The following TBC1D22A variants were observed in gnomAD, a reference collection of about 807,000 sequenced individuals.
The protein encoded by TBC1D22A is TBC1 domain family member 22A.
In TBC1D22A, 38 loss-of-function variants were observed where a neutral mutation model predicts 60.2. The observed-to-expected ratio is 0.63, with a 90% confidence interval of 0.49 to 0.83. The LOEUF is 0.83. Ranked by LOEUF, TBC1D22A falls within the 40% of genes least tolerant of loss-of-function variation. TBC1D22A has a pLI of 0.00. For synonymous variants in TBC1D22A, 302 were observed against 281.7 expected, an observed-to-expected ratio of 1.07 and a Z score of -0.72; for missense variants, 628 against 701.0, an observed-to-expected ratio of 0.90 and a Z score of 1.18.
chr22:46,899,776 G>C (rs780826666), intron 7 of TBC1D22A, among the ~76,000 whole-genome samples: 23 of 152,060 alleles, frequency 1.5e-4, no homozygotes, highest in Non-Finnish European at 2.4e-4. Context: ...CCCAGCAGCT[G>C]CTCATAGCAC....
At chr22:47,162,953 A>G (rs12169244) in intron 12 of TBC1D22A, among the ~76,000 whole-genome samples, 91,541 of 150,322 alleles carry the variant, frequency 0.61, 28,293 homozygotes, top group East Asian at 0.71. Context: ...TACAGACCAC[A>G]CCATGCCCAC....
At chr22:46,793,310 A>G (rs2084504475) in intron 2 of TBC1D22A, among the ~76,000 whole-genome samples, 191 bp from the exon 3 acceptor site, 1 of 152,050 alleles carries the variant, frequency 6.6e-6, no homozygotes. Flanking sequence ...CCCTCCTGCC[A>G]CTGAGTCCTC....
Position 46,984,607 on chromosome 22 carries a change from T to G in TBC1D22A, c.1125+10208T>G, listed in dbSNP as rs181003023. On this transcript the variant is annotated intron_variant, in intron 9 of 12. Coordinates refer to ENST00000337137, the MANE Select transcript of TBC1D22A (RefSeq NM_014346.5). ...TCACTACTGAACAGGACAATTTCTT[T>G]GAGTAGAAAAGAACCATTGCCTTTT... Among the ~76,000 whole-genome samples the G allele has an allele frequency of 2.8e-4, 42 of 152,316 alleles. 1 individual carries two copies. In the East Asian group the frequency reaches 7.5e-3, roughly 27 times the overall value.
chr22:47,136,133 C>T (rs895109796), intron 12 of TBC1D22A, among the ~76,000 whole-genome samples: 4 of 152,226 alleles, frequency 2.6e-5, no homozygotes, highest in Admixed American at 1.3e-4. Context: ...CTTGGATACT[C>T]GGGGGCCAAG....
chr22:47,056,465 C>T (rs2063396694), intron 11 of TBC1D22A, among the ~76,000 whole-genome samples: 1 of 152,098 alleles, frequency 6.6e-6, no homozygotes, highest in Non-Finnish European at 1.5e-5. Flanking sequence ...TGAGGCCACC[C>T]CCCTTCCTGA....
intron 10 of TBC1D22A, among the ~76,000 whole-genome samples, chr22:47,014,062 G>T (rs2061831287): frequency 1.3e-5 from 2 of 152,214 alleles, no homozygotes; most frequent in Admixed American, 1.3e-4. Flanking sequence ...ATGGCTGTGG[G>T]GTCTAGCTGC....
intron 8 of TBC1D22A, among the ~76,000 whole-genome samples, chr22:46,957,264 T>C (rs1316914523): frequency 5.3e-5 from 8 of 152,258 alleles, no homozygotes. Context: ...TGTATTAGTC[T>C]GTTCCCACAC....
intron 4 of TBC1D22A, among the ~76,000 whole-genome samples, chr22:46,830,900 A>T (rs1264763514): frequency 6.6e-6 from 1 of 152,094 alleles, no homozygotes; most frequent in Non-Finnish European, 1.5e-5. Context: ...TGGAGTGGGG[A>T]TGCTGAAGAA....
At chr22:46,878,257 A>G (rs573934961) in intron 4 of TBC1D22A, among the ~76,000 whole-genome samples, 1 of 11,784 alleles carries the variant, frequency 8.5e-5, no homozygotes, top group African/African-American at 2.4e-4. Context: ...AATTAACATG[A>G]TCAGGTTGGG....
chr22:46,985,498 T>A (rs1466849574), intron 9 of TBC1D22A, among the ~76,000 whole-genome samples: 1 of 152,202 alleles, frequency 6.6e-6, no homozygotes, highest in Non-Finnish European at 1.5e-5. Context: ...AATGAATCAT[T>A]GAGCAGCAAG....
rs144456776 is a variant in TBC1D22A, at chr22:46,968,433, G to A, written c.1016-5857G>A. ...CATGCGTGGACGTGTGCGCCCCCAC[G>A]CAGAAAGTCCTGCTGTGGAAACACA... On this transcript the variant is annotated intron_variant, in intron 8 of 12. Transcript: ENST00000337137. Among the ~76,000 whole-genome samples the A allele has an allele frequency of 1.6e-3, 245 of 152,346 alleles. 2 individuals carry two copies. Among genetic ancestry groups the A allele is most frequent in the African/African-American group, 5.6e-3 (232 of 41,578 alleles).
chr22:47,013,786 G>A (rs2061824331), intron 10 of TBC1D22A, among the ~76,000 whole-genome samples: 3 of 152,136 alleles, frequency 2.0e-5, no homozygotes, highest in African/African-American at 7.2e-5. Context: ...CTACCCCCTC[G>A]TCTCTCTAGA....
intron 9 of TBC1D22A, among the ~76,000 whole-genome samples, chr22:46,983,709 T>A (rs889000708): frequency 5.3e-5 from 8 of 150,444 alleles, no homozygotes; most frequent in Middle Eastern, 3.4e-3. Context: ...TTTTTTTTTT[T>A]ATATTTTATT....
Position 46,830,219 on chromosome 22 carries a change from C to T in TBC1D22A, c.637+32599C>T, listed in dbSNP as rs1260160228. Among the ~76,000 whole-genome samples, 6 of 152,208 alleles carry T rather than the reference C, an allele frequency of 3.9e-5. No homozygotes were observed. In the East Asian group the frequency reaches 7.7e-4, roughly 20 times the overall value. On this transcript the variant is annotated intron_variant, in intron 4 of 12. Coordinates refer to ENST00000337137, the MANE Select transcript of TBC1D22A (RefSeq NM_014346.5). ...AGGCGAGTGACTGGAGGCAGGCTGG[C>T]ATGGTGGATGGTCTGCTTTCTGAAG...
chr22:46,962,981 A>T (rs570037150), intron 8 of TBC1D22A, among the ~76,000 whole-genome samples: 278 of 151,470 alleles, frequency 1.8e-3, no homozygotes, highest in African/African-American at 6.4e-3. Context: ...TGGGAGGCTG[A>T]GGTTGGTGGA....
intron 4 of TBC1D22A, among the ~76,000 whole-genome samples, chr22:46,826,462 A>G (rs953798205): frequency 3.3e-5 from 5 of 152,140 alleles, no homozygotes; most frequent in Admixed American, 1.3e-4. Context: ...GACTTGATCA[A>G]GTTTTCTTTT....
chr22:47,098,527 G>A (rs2065275992), intron 11 of TBC1D22A, among the ~76,000 whole-genome samples: 1 of 152,200 alleles, frequency 6.6e-6, no homozygotes, highest in South Asian at 2.1e-4. Context: ...CATGCACCAG[G>A]CTGCCCTGGG....
chr22:47,151,575 G>A (rs892633219), intron 12 of TBC1D22A, among the ~76,000 whole-genome samples: 13 of 152,168 alleles, frequency 8.5e-5, no homozygotes, highest in Non-Finnish European at 1.5e-4. Flanking sequence ...GGGCTCCCTC[G>A]TGGCCCCTCT....
chr22:46,762,685 G>C lies in TBC1D22A; in HGVS notation c.-102G>C. The stretch of plus-strand genomic sequence containing the variant: ...CTCGGCTCTAGGCTCTGGAGTCCCG[G>C]GAGCAGTGAGGGGCCACCCGGGGCA... On this transcript the variant is annotated 5_prime_UTR_variant, in exon 1 of 13. Coordinates refer to ENST00000337137, the MANE Select transcript of TBC1D22A (RefSeq NM_014346.5). The C allele has an allele frequency of 3.0e-6, 3 of 1,010,992 alleles. No homozygotes were observed. Among genetic ancestry groups the C allele is most frequent in the Non-Finnish European group, 1.4e-6 (1 of 739,512 alleles). 62.6% of individuals were successfully genotyped at this position (1,010,992 alleles called of 1,614,324 possible). A position where few individuals can be genotyped will look rare whatever the true frequency, so the allele number is the denominator to read the frequency against.
Sources: allele counts gnomAD v4.1 joint callset (sites outside exome capture counted in the v4.1 genomes callset), GRCh38; gene constraint gnomAD v4.1.1; transcripts MANE v1.5; gene names NCBI Gene and HGNC (gene_info 2026-07-23, HGNC 2026-07-21).